The following NRCAM variants were observed in gnomAD, a reference collection of about 807,000 sequenced individuals.
The protein encoded by NRCAM is NgCAM-related cell adhesion molecule.
In NRCAM, 83 loss-of-function variants were observed where a neutral mutation model predicts 156.5. The observed-to-expected ratio is 0.53, with a 90% CI of 0.44 to 0.64. The LOEUF (loss-of-function observed/expected upper bound fraction) is 0.64. NRCAM is among the 30% of genes least tolerant of loss of function. NRCAM has a pLI of 0.00. For missense variants in NRCAM, 1,417 were observed against 1,597.3 expected (o/e 0.89, Z 1.92); for synonymous variants, 538 against 563.9 (o/e 0.95, Z 0.65).
chr7:108,267,402 C>T (rs2154025262), intron 3 of NRCAM, among the ~76,000 whole-genome samples: 1 of 152,324 alleles, frequency 6.6e-6, no homozygotes, highest in East Asian at 1.9e-4. Flanking sequence ...AATAGGCAAC[C>T]ACACACTTTC....
At chr7:108,290,879 C>T (rs930604730) in intron 3 of NRCAM, among the ~76,000 whole-genome samples, 2 of 152,168 alleles carry the variant, frequency 1.3e-5, no homozygotes, top group African/African-American at 4.8e-5. Context: ...CTCTGCAGCA[C>T]TGCTGGACCA....
chr7:108,420,594 G>A (rs192054960), intron 1 of NRCAM, among the ~76,000 whole-genome samples: 2 of 152,194 alleles, frequency 1.3e-5, no homozygotes, highest in East Asian at 3.9e-4. Context: ...TCCTGTCTCC[G>A]TAAGTACCCA....
intron 1 of NRCAM, among the ~76,000 whole-genome samples, chr7:108,443,388 T>A (rs1241508526): frequency 6.6e-6 from 1 of 152,182 alleles, no homozygotes; most frequent in Non-Finnish European, 1.5e-5. Flanking sequence ...AATATTCAAG[T>A]TGAATCAAAG....
At chr7:108,203,860 A>G (rs1189958613) in intron 13 of NRCAM, among the ~76,000 whole-genome samples, 5 of 152,242 alleles carry the variant, frequency 3.3e-5, no homozygotes, top group African/African-American at 1.2e-4. Flanking sequence ...TGCTGTCAGC[A>G]AGCCAGCTTG....
chr7:108,333,335 G>C (rs1056625106), intron 2 of NRCAM, among the ~76,000 whole-genome samples: 23 of 152,104 alleles, frequency 1.5e-4, no homozygotes, highest in African/African-American at 5.1e-4. Flanking sequence ...CTCTATATAA[G>C]AATATACTAC....
intron 1 of NRCAM, among the ~76,000 whole-genome samples, chr7:108,428,089 G>A (rs1819710744): frequency 6.6e-6 from 1 of 152,106 alleles, no homozygotes; most frequent in East Asian, 1.9e-4. Context: ...ACAAGATAAA[G>A]CAAAAGGAGA....
chr7:108,154,179 A>C (rs139001679), intron 32 of NRCAM, among the ~76,000 whole-genome samples: 1 of 152,176 alleles, frequency 6.6e-6, no homozygotes, highest in Non-Finnish European at 1.5e-5. Flanking sequence ...ATTAAAACCT[A>C]TATTATTAAG....
chr7:108,385,192 T>A (rs769500736), intron 2 of NRCAM, among the ~76,000 whole-genome samples: 2 of 152,214 alleles, frequency 1.3e-5, no homozygotes. Context: ...ATATATTACA[T>A]TGAAAATGTA....
chr7:108,407,604 G>C (rs2099810722), intron 1 of NRCAM, among the ~76,000 whole-genome samples: 1 of 152,156 alleles, frequency 6.6e-6, no homozygotes, highest in Non-Finnish European at 1.5e-5. Flanking sequence ...ATTTGCTGTA[G>C]ATCTGTAGTT....
intron 2 of NRCAM, among the ~76,000 whole-genome samples, chr7:108,348,081 T>C (rs1230693214): frequency 6.6e-6 from 1 of 152,206 alleles, no homozygotes; most frequent in Non-Finnish European, 1.5e-5. Context: ...AGGTAAGAAG[T>C]AGGCACTCAA....
intron 2 of NRCAM, among the ~76,000 whole-genome samples, chr7:108,342,151 C>T (rs2099290301): frequency 6.6e-6 from 1 of 152,226 alleles, no homozygotes; most frequent in South Asian, 2.1e-4. Context: ...CATACCTGGA[C>T]ACTCTTGTCC....
intron 2 of NRCAM, among the ~76,000 whole-genome samples, chr7:108,396,715 A>G (rs2099777904): frequency 6.6e-6 from 1 of 152,226 alleles, no homozygotes. Context: ...TGTATATGAA[A>G]TATGTATAAT....
At chr7:108,255,449 G>A (rs2096590045) in intron 3 of NRCAM, among the ~76,000 whole-genome samples, 1 of 152,200 alleles carries the variant, frequency 6.6e-6, no homozygotes, top group Admixed American at 6.5e-5. Flanking sequence ...ATTGCAGACG[G>A]AGTCTCGCTC....
intron 11 of NRCAM, among the ~76,000 whole-genome samples, chr7:108,211,904 T>C (rs2084700944): frequency 1.3e-5 from 2 of 152,174 alleles, no homozygotes; most frequent in African/African-American, 4.8e-5. Context: ...CTACCAGAAC[T>C]GATACTCTCT....
At chr7:108,379,664 C>T (rs190878186) in intron 2 of NRCAM, among the ~76,000 whole-genome samples, 1 of 151,674 alleles carries the variant, frequency 6.6e-6, no homozygotes, top group Admixed American at 6.6e-5. Context: ...TAAGATGTCA[C>T]AAAAGTGACC....
intron 2 of NRCAM, among the ~76,000 whole-genome samples, chr7:108,392,632 GAGA>G (rs2099764040): frequency 6.6e-6 from 1 of 152,190 alleles, no homozygotes; most frequent in African/African-American, 2.4e-5. Flanking sequence ...TGTTCCTTTG[GAGA>G]AGATGTGCTC....
intron 2 of NRCAM, among the ~76,000 whole-genome samples, chr7:108,370,855 T>C (rs1321590650): frequency 6.6e-6 from 1 of 151,330 alleles, no homozygotes; most frequent in Non-Finnish European, 1.5e-5. Flanking sequence ...CTTCACACCT[T>C]ACAGAATTCA....
chr7:108,364,966 T>C (rs2099583261), intron 2 of NRCAM, among the ~76,000 whole-genome samples: 1 of 152,140 alleles, frequency 6.6e-6, no homozygotes, highest in Non-Finnish European at 1.5e-5. Flanking sequence ...ATGTATCATA[T>C]GTGAAATATA....
rs10665036 is a variant in NRCAM, at chr7:108,300,160, C to CTTTTTTTTTT, written c.-107+12495_-107+12504dup. Among the ~76,000 whole-genome samples, 138 of 65,866 alleles carry CTTTTTTTTTT rather than the reference C, an allele frequency of 2.1e-3. 9 individuals carry two copies. Among genetic ancestry groups the CTTTTTTTTTT allele is most frequent in the African/African-American group, 7.5e-3 (132 of 17,662 alleles). The allele number at this position is 65,866 out of a possible 152,430, so 43.2% of individuals were successfully genotyped here. A position where few individuals can be genotyped will look rare whatever the true frequency, so the allele number is the denominator to read the frequency against. ...TAATCCTTCCCCAAATTTCTGTTGACTTTTTTTTTTTTTTTTTTTTTTTTT... is the reference window on the plus strand; with the variant it reads ...TAATCCTTCCCCAAATTTCTGTTGACTTTTTTTTTTTTTTTTTTTTTTTTTTTTTTTTTTT... On this transcript the variant is annotated intron_variant, in intron 3 of 32. Coordinates refer to ENST00000379028, the MANE Select transcript of NRCAM (RefSeq NM_001037132.4).
Sources: allele counts gnomAD v4.1 joint callset (sites outside exome capture counted in the v4.1 genomes callset), GRCh38; gene constraint gnomAD v4.1.1; transcripts MANE v1.5; gene names NCBI Gene and HGNC (gene_info 2026-07-23, HGNC 2026-07-21).